Variants in HYDIN observed in about 807,000 individuals in gnomAD.
HYDIN encodes the protein HYDIN axonemal central pair apparatus protein.
In HYDIN, 132 loss-of-function variants were observed where a neutral mutation model predicts 403.9. That is an observed-to-expected ratio of 0.33 (90% confidence interval 0.28 to 0.38). HYDIN has a LOEUF of 0.38. Ranked by LOEUF, HYDIN falls within the 10% of genes least tolerant of loss-of-function variation. The pLI is 1.00. For missense variants in HYDIN, 2,827 were observed against 5,009.5 expected (o/e 0.56, Z 13.15); for synonymous variants, 1,202 against 1,891.7 (o/e 0.64, Z 9.46).
chr16:71,011,031 A>C (rs1541403), intron 23 of HYDIN, among the ~76,000 whole-genome samples: 1 of 152,232 alleles, frequency 6.6e-6, no homozygotes. Flanking sequence ...TGTTGGAAGT[A>C]AAAGGAATCT....
In HYDIN at chr16:70,821,431, A is replaced by G. The variant is rs2036253017; in HGVS notation, c.14428-2859T>C. Among the ~76,000 whole-genome samples, 3 of 151,778 alleles carry G rather than the reference A, an allele frequency of 2.0e-5. No individual in the cohort carries two copies. In the South Asian group the frequency reaches 6.3e-4, roughly 32 times the overall value. The stretch of plus-strand genomic sequence containing the variant: ...TCTTTTATATGAAAATGTCTATTTC[A>G]CTCTCAGTTTTAAAGGACATTTTTA... On this transcript the variant is annotated intron_variant, in intron 83 of 85. Coordinates refer to ENST00000393567, the MANE Select transcript of HYDIN (RefSeq NM_001270974.2).
chr16:71,056,649 G>A (rs921909250), intron 18 of HYDIN, among the ~76,000 whole-genome samples: 1 of 152,254 alleles, frequency 6.6e-6, no homozygotes, highest in Non-Finnish European at 1.5e-5. Context: ...GGGAAGGGCT[G>A]ACATTCACCC....
intron 79 of HYDIN, among the ~76,000 whole-genome samples, 186 bp from the exon 80 acceptor site, chr16:70,833,253 T>C (rs139035993): frequency 0.11 from 15,104 of 138,164 alleles, 623 homozygotes; most frequent in African/African-American, 0.24. Context: ...CCAAGGTCAC[T>C]TCCTGGGTAG....
At chr16:71,023,167 C>A (rs972272104) in intron 21 of HYDIN, among the ~76,000 whole-genome samples, 1 of 151,982 alleles carries the variant, frequency 6.6e-6, no homozygotes, top group South Asian at 2.1e-4. Context: ...TAAAATAGAG[C>A]AATAAAGCTT....
chr16:71,130,625 C>A (rs1449641537), intron 8 of HYDIN, among the ~76,000 whole-genome samples: 2 of 151,240 alleles, frequency 1.3e-5, no homozygotes, highest in African/African-American at 4.9e-5. Flanking sequence ...GTAGCTGGGA[C>A]TACAGGCGCC....
chr16:71,164,833 G>A (rs1173060593), intron 5 of HYDIN, among the ~76,000 whole-genome samples: 1 of 145,096 alleles, frequency 6.9e-6, no homozygotes, highest in African/African-American at 2.6e-5. Flanking sequence ...ACCCACAAAG[G>A]CTCCACAAAG....
rs1158477150 is a variant in HYDIN at position 71,079,864 on chromosome 16, T to A, written c.1738+21A>T. On this transcript the variant is annotated intron_variant, in intron 13 of 85. Coordinates refer to ENST00000393567, the MANE Select transcript of HYDIN (RefSeq NM_001270974.2). ...AAAGGAATCCTATTCAATTTCTAATTTAAAATGGAAAACTACTCACCAAAG... is the reference window on the plus strand; with the variant it reads ...AAAGGAATCCTATTCAATTTCTAATATAAAATGGAAAACTACTCACCAAAG... The A allele has an allele frequency of 2.8e-6, 4 of 1,433,730 alleles. No homozygotes were observed. The East Asian group carries it at 9.2e-5, about 33-fold the overall frequency. The allele number at this position is 1,433,730 out of a possible 1,614,324, so 88.8% of individuals were successfully genotyped here. A position where few individuals can be genotyped will look rare whatever the true frequency, so the allele number is the denominator to read the frequency against.
intron 72 of HYDIN, among the ~76,000 whole-genome samples, chr16:70,855,686 T>C (rs867644303): frequency 1.3e-5 from 2 of 152,296 alleles, no homozygotes; most frequent in African/African-American, 4.8e-5. Context: ...CCTTTGGTAT[T>C]GGCATGAGTT....
At position 71,148,613 on chromosome 16, in the gene HYDIN, T is replaced by C. The variant is rs527604450; in HGVS notation, c.841+4046A>G. Among the ~76,000 whole-genome samples the C allele has an allele frequency of 3.3e-5, 5 of 152,042 alleles. No individual in the cohort carries two copies. In the South Asian group the frequency reaches 1.0e-3, roughly 32 times the overall value. On this transcript the variant is annotated intron_variant, in intron 7 of 85. Coordinates refer to ENST00000393567, the MANE Select transcript of HYDIN (RefSeq NM_001270974.2). ...GCTTGGGAAAAAATACCACACTAGC[T>C]ATAAAATTAAAATAGATAAACTGTA...
intron 78 of HYDIN, among the ~76,000 whole-genome samples, chr16:70,835,236 T>A (rs530869847): frequency 6.6e-6 from 1 of 151,946 alleles, no homozygotes; most frequent in Non-Finnish European, 1.5e-5. Flanking sequence ...GGCCTTGTGA[T>A]CCACCTGCCT....
intron 78 of HYDIN, among the ~76,000 whole-genome samples, chr16:70,835,026 GTTTT>G (rs1244589779): frequency 1.9e-5 from 2 of 106,874 alleles, no homozygotes; most frequent in Non-Finnish European, 4.1e-5. Context: ...ATATATATAT[GTTTT>G]TTTTTTTTTT....
At chr16:70,844,417 AC>A (rs1438300779) in intron 75 of HYDIN, among the ~76,000 whole-genome samples, 2 of 146,382 alleles carry the variant, frequency 1.4e-5, no homozygotes, top group South Asian at 2.2e-4. Flanking sequence ...CTGTTTTGGT[AC>A]CAGTACCATG....
intron 1 of HYDIN, among the ~76,000 whole-genome samples, chr16:71,221,978 T>C (rs114233598): frequency 6.2e-4 from 95 of 152,348 alleles, no homozygotes; most frequent in African/African-American, 2.0e-3. Flanking sequence ...CAATGAGCTG[T>C]AACTAATCTG....
intron 74 of HYDIN, among the ~76,000 whole-genome samples, 191 bp downstream of exon 74, chr16:70,850,257 A>G (rs1015684754): frequency 2.1e-5 from 3 of 144,414 alleles, no homozygotes; most frequent in African/African-American, 8.7e-5. Context: ...CCCCCCCCTG[A>G]AAATAAAATA....
intron 45 of HYDIN, among the ~76,000 whole-genome samples, chr16:70,929,922 A>G (rs1350324150): frequency 2.6e-5 from 4 of 152,158 alleles, no homozygotes; most frequent in Non-Finnish European, 5.9e-5. Flanking sequence ...AGAACTCTGC[A>G]TGGGGGTTTA....
At chr16:70,818,865 G>A (rs922447008) in intron 83 of HYDIN, among the ~76,000 whole-genome samples, 1 of 152,072 alleles carries the variant, frequency 6.6e-6, no homozygotes, top group Non-Finnish European at 1.5e-5. Context: ...GGGACAGCTG[G>A]CCGGCTCTGG....
chr16:70,925,657 A>G (rs1161433389), intron 45 of HYDIN, among the ~76,000 whole-genome samples: 1 of 151,146 alleles, frequency 6.6e-6, no homozygotes, highest in African/African-American at 2.4e-5. Context: ...AGAAACTACC[A>G]TCAGAGTGAA....
intron 80 of HYDIN, 130 bp from the exon 81 acceptor site, chr16:70,829,960 C>T (rs1030524195): frequency 4.6e-5 from 35 of 768,138 alleles, no homozygotes; most frequent in African/African-American, 3.1e-4. Flanking sequence ...TCAGTGGGTC[C>T]GTTTCTTTTT....
At chr16:70,902,821 A>ATATTTTTT in intron 52 of HYDIN, among the ~76,000 whole-genome samples, 3 of 47,314 alleles carry the variant, frequency 6.3e-5, no homozygotes, top group East Asian at 5.5e-4. Flanking sequence ...ATATATATAT[A>ATATTTTTT]TTTTTTTTTT....
Sources: allele counts gnomAD v4.1 joint callset (sites outside exome capture counted in the v4.1 genomes callset), GRCh38; gene constraint gnomAD v4.1.1; transcripts MANE v1.5; gene names NCBI Gene and HGNC (gene_info 2026-07-23, HGNC 2026-07-21).